The following DNAH11 variants were observed in gnomAD, a reference collection of about 807,000 sequenced individuals.
The protein encoded by DNAH11 is axonemal beta dynein heavy chain 11.
Under a neutral mutation model 526.0 loss-of-function variants are expected in DNAH11, and 442 were observed. That is an observed-to-expected ratio of 0.84 (90% CI 0.78 to 0.91). The LOEUF is 0.91. Among genes scored for constraint, DNAH11 ranks in the 40% least tolerant of loss-of-function variants. The pLI is 0.00. For missense variants in DNAH11, 6,989 were observed against 5,448.7 expected (o/e 1.28, Z -8.90); for synonymous variants, 2,461 against 1,935.9 (o/e 1.27, Z -7.12).
rs191520746 is a variant in DNAH11, at chr7:21,581,508, G to A, written c.1594-397G>A. ...CCCTTCCTATTTAAACTTATAGATG[G>A]ACTAAAGTTATAATGAGGATAGGTT... On this transcript the variant is annotated intron_variant, in intron 8 of 81. Transcript: ENST00000409508. Among the ~76,000 whole-genome samples, 5 of 152,276 alleles carry A rather than the reference G, an allele frequency of 3.3e-5. No homozygotes were observed. The East Asian group carries it at 9.6e-4, about 29-fold the overall frequency.
In DNAH11 at chr7:21,739,599, G is replaced by A. The variant is rs762047594; in HGVS notation, c.7840G>A (p.Glu2614Lys). The stretch of plus-strand genomic sequence containing the variant: ...TGATAGACAGAAGGTGATGCTTAAA[G>A]AAATCCATAACTGCCAGTATGTCGC... ...WYDRQKVMLKEIHNCQYVACM... is the reference protein window; with the variant it reads ...WYDRQKVMLKKIHNCQYVACM... The change falls in exon 48 of 82, where the codon GAA (glutamate) becomes AAA (lysine). Residue 2614 changes from glutamate to lysine, a missense_variant. Coordinates refer to ENST00000409508, the MANE Select transcript of DNAH11 (RefSeq NM_001277115.2). 6.2e-7 allele frequency: 1 copy of A among 1,612,646 alleles called. No homozygotes were observed. Among genetic ancestry groups the A allele is most frequent in the Non-Finnish European group, 8.5e-7 (1 of 1,179,404 alleles).
At chr7:21,822,962 T>C (rs1790118060) in intron 65 of DNAH11, among the ~76,000 whole-genome samples, 3 of 7,394 alleles carry the variant, frequency 4.1e-4, no homozygotes, top group Non-Finnish European at 1.5e-3. Flanking sequence ...ATTTGCTTTT[T>C]TTTTTTTTTT....
chr7:21,681,562 C>T lies in DNAH11; in HGVS notation c.5345C>T (p.Thr1782Ile). 3 of 1,613,760 alleles carry T rather than the reference C, an allele frequency of 1.9e-6. No individual in the cohort carries two copies. Among genetic ancestry groups the T allele is most frequent in the Non-Finnish European group, 2.5e-6 (3 of 1,179,700 alleles). The change falls in exon 31 of 82, where the codon ACA (threonine) becomes ATA (isoleucine). Residue 1782 changes from threonine (T) to isoleucine (I), a missense_variant. Thr to Ile is a moderately conservative substitution (Grantham distance 89, BLOSUM62 -1). Coordinates refer to ENST00000409508, the MANE Select transcript of DNAH11 (RefSeq NM_001277115.2). ...TCCTTCTAGATTTCTCAGCTGAATACACTGATTACACTTTTGCTGGGAGAA... is the reference window on the plus strand; with the variant it reads ...TCCTTCTAGATTTCTCAGCTGAATATACTGATTACACTTTTGCTGGGAGAA... ...FHKKQISQLN[T>I]LITLLLGELP...
At chr7:21,742,784 G>A (rs997399613) in intron 49 of DNAH11, among the ~76,000 whole-genome samples, 2 of 152,116 alleles carry the variant, frequency 1.3e-5, no homozygotes, top group Admixed American at 6.5e-5. Flanking sequence ...CAATGAGAAC[G>A]GTGCTTCTCC....
At chr7:21,869,048 A>G in intron 73 of DNAH11, 57 bp downstream of exon 73, 2 of 1,606,710 alleles carry the variant, frequency 1.2e-6, no homozygotes, top group Admixed American at 1.7e-5. Flanking sequence ...GGGCCAGGGC[A>G]GAGCTGGCCC....
chr7:21,770,101 T>C (rs1162320069), intron 55 of DNAH11, among the ~76,000 whole-genome samples: 1 of 152,230 alleles, frequency 6.6e-6, no homozygotes, highest in Non-Finnish European at 1.5e-5. Flanking sequence ...GGCAGTAATC[T>C]TACTGCAACT....
At chr7:21,775,615 CA>C (rs11325043) in intron 56 of DNAH11, among the ~76,000 whole-genome samples, 86,119 of 148,130 alleles carry the variant, frequency 0.58, 26,366 homozygotes, top group African/African-American at 0.76. Flanking sequence ...GACCCTGTCT[CA>C]AAAAAAAAAA....
chr7:21,688,809 C>A (rs180981528), intron 34 of DNAH11, among the ~76,000 whole-genome samples: 2 of 147,292 alleles, frequency 1.4e-5, no homozygotes, highest in Non-Finnish European at 3.0e-5. Context: ...CTGGCACTTA[C>A]GTTTGATGGC....
Position 21,559,067 on chromosome 7 carries a change from A to G in DNAH11, c.692+69A>G, listed in dbSNP as rs191228138. On this transcript the variant is annotated intron_variant, in intron 3 of 81. Transcript: ENST00000409508. ...CAGGCCAGCACGGTGGCTCATGCCTATAATCCCAGCAATTTGGAGGCTGAG... is the reference window on the plus strand; with the variant it reads ...CAGGCCAGCACGGTGGCTCATGCCTGTAATCCCAGCAATTTGGAGGCTGAG... 5.1e-4 allele frequency: 690 copies of G among 1,353,358 alleles called. 7 individuals carry two copies. The African/African-American group carries it at 9.4e-3, about 18-fold the overall frequency. 83.8% of individuals were successfully genotyped at this position (1,353,358 alleles called of 1,614,324 possible). A position where few individuals can be genotyped will look rare whatever the true frequency, so the allele number is the denominator to read the frequency against.
Position 21,617,793 on chromosome 7 carries a change from C to G in DNAH11, c.4254+16C>G, listed in dbSNP as rs1190221410. ...AGCTATTGGGGTCAGTATCCTTGGT[C>G]TCACTAATGAACCTTTTTATGACTG... On this transcript the variant is annotated intron_variant, in intron 23 of 81. Transcript: ENST00000409508. The G allele has an allele frequency of 6.4e-7, 1 of 1,567,102 alleles. No individual in the cohort carries two copies. Among genetic ancestry groups the G allele is most frequent in the East Asian group, 2.3e-5 (1 of 44,354 alleles).
Position 21,807,995 on chromosome 7 carries a change from G to A in DNAH11, c.10278G>A (p.Arg3426=), listed in dbSNP as rs761312694. The A allele has an allele frequency of 3.8e-6, 6 of 1,591,318 alleles. No individual in the cohort carries two copies. In the South Asian group the frequency reaches 5.7e-5, roughly 15 times the overall value. ...AFVSYVGPFT[R]QYRQELVHCK... is the part of the protein sequence containing the mutation. ...TGTCTTACGTCGGACCCTTCACAAG[G>A]CAGTATCGCCAGGAGCTGGTGCACT... Residue 3426 remains arginine (R), a synonymous_variant, in exon 63 of 82, where the codon AGG becomes AGA. Coordinates refer to ENST00000409508, the MANE Select transcript of DNAH11 (RefSeq NM_001277115.2).
chr7:21,801,318 T>A (rs1788985510), intron 62 of DNAH11, 43 bp downstream of exon 62: 3 of 1,608,350 alleles, frequency 1.9e-6, no homozygotes, highest in Non-Finnish European at 2.5e-6. Flanking sequence ...AATGTTCAGA[T>A]CAGCTTGTGG....
At chr7:21,577,832 G>GA (rs1377213465) in intron 8 of DNAH11, among the ~76,000 whole-genome samples, 3 of 152,124 alleles carry the variant, frequency 2.0e-5, no homozygotes, top group African/African-American at 7.2e-5. Context: ...TCAACTGAGT[G>GA]AAAAAAAGAC....
rs114146648 is a variant in DNAH11, at chr7:21,669,847, C to T, written c.5328+10816C>T. Reference sequence around the variant, plus strand: ...TGGTTGAAAGTCAACTGACTATATACGTATGTGGGTCTATTTTCAGATTCT... The same window carrying T: ...TGGTTGAAAGTCAACTGACTATATATGTATGTGGGTCTATTTTCAGATTCT... On this transcript the variant is annotated intron_variant, in intron 30 of 81. Transcript: ENST00000409508. Among the ~76,000 whole-genome samples, 264 of 152,138 alleles carry T rather than the reference C, an allele frequency of 1.7e-3. 1 individual carries two copies. Among genetic ancestry groups the T allele is most frequent in the African/African-American group, 5.3e-3 (219 of 41,500 alleles).
chr7:21,774,011 A>G lies in DNAH11; in HGVS notation c.9336+12A>G. On this transcript the variant is annotated intron_variant, in intron 56 of 81. Transcript: ENST00000409508. ...CCACAGCCTCTCAGGTATGACCAGGATGTGTTATTACTGAGTAATATTTAT... is the reference window on the plus strand; with the variant it reads ...CCACAGCCTCTCAGGTATGACCAGGGTGTGTTATTACTGAGTAATATTTAT... The G allele has an allele frequency of 1.3e-6, 2 of 1,538,310 alleles. No individual in the cohort carries two copies. Among genetic ancestry groups the G allele is most frequent in the Non-Finnish European group, 8.8e-7 (1 of 1,142,262 alleles).
intron 63 of DNAH11, among the ~76,000 whole-genome samples, chr7:21,815,757 T>C (rs1789756687): frequency 6.6e-6 from 1 of 152,222 alleles, no homozygotes; most frequent in Admixed American, 6.5e-5. Flanking sequence ...ATACATTCTT[T>C]AATACAATTT....
At chr7:21,860,573 T>A (rs935795412) in intron 68 of DNAH11, among the ~76,000 whole-genome samples, 1 of 152,180 alleles carries the variant, frequency 6.6e-6, no homozygotes, top group African/African-American at 2.4e-5. Flanking sequence ...AATAGATGAA[T>A]CAAATGTTGT....
At chr7:21,590,346 G>C (rs1246115234) in intron 12 of DNAH11, among the ~76,000 whole-genome samples, 2 of 152,162 alleles carry the variant, frequency 1.3e-5, no homozygotes, top group Non-Finnish European at 2.9e-5. Context: ...GTATGCTTTA[G>C]GGTAAGGGGC....
At chr7:21,646,882 T>C (rs756305490) in intron 28 of DNAH11, among the ~76,000 whole-genome samples, 6 of 152,252 alleles carry the variant, frequency 3.9e-5, no homozygotes, top group South Asian at 4.1e-4. Context: ...AGTGAAAATA[T>C]ATTCATTTTT....
Sources: allele counts gnomAD v4.1 joint callset (sites outside exome capture counted in the v4.1 genomes callset), GRCh38; gene constraint gnomAD v4.1.1; transcripts MANE v1.5; gene names NCBI Gene and HGNC (gene_info 2026-07-23, HGNC 2026-07-21).